Variants in C2 observed in about 807,000 individuals in gnomAD.
C2 encodes the protein complement C2.
A neutral mutation model predicts 85.2 loss-of-function variants in C2; 64 were observed. That is an observed-to-expected ratio of 0.75 (90% CI 0.61 to 0.92). The LOEUF (loss-of-function observed/expected upper bound fraction) is 0.92. Ranked by LOEUF, C2 falls within the 40% of genes least tolerant of loss-of-function variation. The pLI, the probability that C2 is intolerant of heterozygous loss-of-function variation, is 0.00. For synonymous variants in C2, 311 were observed against 370.8 expected (o/e 0.84, Z 1.85); for missense variants, 820 against 971.6 (o/e 0.84, Z 2.07).
intron 9 of C2, chr6:31,941,135 T>C (rs1163408217): frequency 6.6e-6 from 1 of 152,254 alleles, no homozygotes; most frequent in African/African-American, 2.4e-5. Flanking sequence ...TTAGTTTCCA[T>C]GTTGTGTTCT....
upstream of C2, among the ~76,000 whole-genome samples, chr6:31,916,750 CTTTT>C (rs67751925): frequency 9.0e-5 from 10 of 110,920 alleles, no homozygotes; most frequent in Admixed American, 4.0e-4. Flanking sequence ...GTTCTCTGCC[CTTTT>C]TTTTTTTTTT....
Position 31,939,256 on chromosome 6 carries a change from C to T in C2, c.1155C>T (p.Pro385=), listed in dbSNP as rs369525640. The T allele has an allele frequency of 7.1e-5, 115 of 1,612,272 alleles. No individual in the cohort carries two copies. Among genetic ancestry groups the T allele is most frequent in the Non-Finnish European group, 9.2e-5 (109 of 1,179,632 alleles). The change falls in exon 9 of 18, where the codon CCC becomes CCT. Residue 385 remains proline (P), a synonymous_variant. Transcript: ENST00000299367. ...GAAAGTCCAATATGGGTGGCTCTCC[C>T]AAGACAGCTGTTGACCATATCAGAG... ...TDGKSNMGGS[P]KTAVDHIREI... is the part of the protein sequence containing the mutation.
In C2 at chr6:31,945,509, T is replaced by G; in HGVS notation, c.*152T>G. 1.3e-6 allele frequency: 1 copy of G among 758,218 alleles called. No individual in the cohort carries two copies. Among genetic ancestry groups the G allele is most frequent in the Non-Finnish European group, 2.2e-6 (1 of 445,428 alleles). The allele number at this position is 758,218 out of a possible 1,614,324, so 47.0% of individuals were successfully genotyped here. A position where few individuals can be genotyped will look rare whatever the true frequency, so the allele number is the denominator to read the frequency against. On this transcript the variant is annotated 3_prime_UTR_variant, in exon 18 of 18. Transcript: ENST00000299367. The surrounding 1 kb of genome is among the most constrained non-coding windows in gnomAD (Gnocchi z 5.3). ...GATGCCAGAGGCAGCGCACACAAGC[T>G]GGGAAATCCTCAGGGCTCCTACCAG...
rs770667440 is a variant in C2, at chr6:31,943,637, T to C, written c.1568-7T>C. On this transcript the variant is annotated splice_region_variant and splice_polypyrimidine_tract_variant and intron_variant, in intron 12 of 17. Coordinates refer to ENST00000299367, the MANE Select transcript of C2 (RefSeq NM_000063.6). The surrounding 1 kb of genome is among the most constrained non-coding windows in gnomAD (Gnocchi z 6.4). ...TGGTCTAGCCTAATCTAGTGTATCATTTCCAGGAGACCCCAAATCCCAGTG... is the reference window on the plus strand; with the variant it reads ...TGGTCTAGCCTAATCTAGTGTATCACTTCCAGGAGACCCCAAATCCCAGTG... The C allele has an allele frequency of 9.9e-6, 16 of 1,613,014 alleles. No homozygotes were observed. Among genetic ancestry groups the C allele is most frequent in the South Asian group, 2.2e-5 (2 of 91,084 alleles).
At position 31,945,127 on chromosome 6, in the gene C2, T is replaced by TG; in HGVS notation, c.2080-51_2080-50insG. 3.7e-6 allele frequency: 6 copies of TG among 1,610,658 alleles called. No homozygotes were observed. The highest frequency in any genetic ancestry group is 5.1e-6 in the Non-Finnish European group (6 of 1,177,968). On this transcript the variant is annotated intron_variant, in intron 17 of 17. Transcript: ENST00000299367. The surrounding 1 kb of genome is among the most constrained non-coding windows in gnomAD (Gnocchi z 5.3). The stretch of plus-strand genomic sequence containing the variant: ...TTGAGGGATCTAGGGAGGTTGGGGC[T>TG]TACAGTTGGGGCTGTGGCAGCCTCC...
chr6:31,927,459 T>G (rs1769342249), upstream of C2: 1 of 1,400,320 alleles, frequency 7.1e-7, no homozygotes, highest in African/African-American at 1.4e-5. The surrounding 1 kb of genome is among the most constrained non-coding windows in gnomAD (Gnocchi z 4.7). Context: ...GGTGCACATG[T>G]GCACGCATGG....
rs1257552764 is a variant in C2 at position 31,928,065 on chromosome 6, C to T, written c.157C>T (p.Gln53Ter). 1.2e-6 allele frequency: 2 copies of T among 1,614,172 alleles called. No individual in the cohort carries two copies. Among genetic ancestry groups the T allele is most frequent in the South Asian group, 1.1e-5 (1 of 91,074 alleles). The change falls in exon 2 of 18, where the codon CAG becomes TAG. Residue 53 changes from glutamine (Q) to a stop codon, truncating the protein, a stop_gained. Transcript: ENST00000299367. LOFTEE classifies it high-confidence loss of function. ...PGSLLTYSCP[Q>*]GLYPSPASRL... Reference sequence around the variant, plus strand: ...GAGCCTTCTCACCTACTCCTGCCCCCAGGGCCTGTACCCATCCCCAGCATC... The same window carrying T: ...GAGCCTTCTCACCTACTCCTGCCCCTAGGGCCTGTACCCATCCCCAGCATC...
exon 1 of C2, chr6:31,901,071 G>A (rs773982900): frequency 1.2e-6 from 2 of 1,614,174 alleles, no homozygotes; most frequent in African/African-American, 1.3e-5. Flanking sequence ...GCCACGATGC[G>A]TGCACTGTGC....
upstream of C2, chr6:31,899,635 C>T (rs1767039157): frequency 2.5e-6 from 1 of 401,894 alleles, no homozygotes; most frequent in Non-Finnish European, 4.4e-6. Flanking sequence ...CTATAGGACC[C>T]TTTTCCCTCC....
chr6:31,931,945 A>C (rs1582079185), intron 3 of C2, among the ~76,000 whole-genome samples: 2 of 72,064 alleles, frequency 2.8e-5, no homozygotes, highest in Admixed American at 1.8e-4. Context: ...CGGGGGGCTG[A>C]TCCCCCCACC....
At chr6:31,926,833 T>C (rs573198609), upstream of C2, among the ~76,000 whole-genome samples, 2 of 152,304 alleles carry the variant, frequency 1.3e-5, no homozygotes, top group Admixed American at 6.5e-5. Context: ...ATTGGTCTTA[T>C]TTATTTTTAC....
chr6:31,943,552 C>T lies in C2; in HGVS notation c.1567+25C>T. On this transcript the variant is annotated intron_variant, in intron 12 of 17. Coordinates refer to ENST00000299367, the MANE Select transcript of C2 (RefSeq NM_000063.6). The surrounding 1 kb of genome is among the most constrained non-coding windows in gnomAD (Gnocchi z 6.4). ...GGTAAGGCAGGGGATGCACCAGCCT[C>T]CTGATCCTGAAGCCACAGATCCTAC... 3 of 1,602,978 alleles carry T rather than the reference C, an allele frequency of 1.9e-6. No individual in the cohort carries two copies. The highest frequency in any genetic ancestry group is 2.6e-6 in the Non-Finnish European group (3 of 1,172,400).
At chr6:31,913,084 C>T (rs1377795053) in intron 1 of C2, among the ~76,000 whole-genome samples, 1 of 151,488 alleles carries the variant, frequency 6.6e-6, no homozygotes, top group Non-Finnish European at 1.5e-5. Context: ...CTATGGTGCC[C>T]TTGGGCACTG....
At chr6:31,931,837 C>T (rs1161319996) in intron 3 of C2, among the ~76,000 whole-genome samples, 3 of 151,796 alleles carry the variant, frequency 2.0e-5, no homozygotes, top group Non-Finnish European at 2.9e-5. Flanking sequence ...CCAGTAGGCG[C>T]GGCCGGGCAG....
chr6:31,907,841 C>CTTTTTTTTTT (rs9281622), intron 1 of C2, among the ~76,000 whole-genome samples: 2 of 67,976 alleles, frequency 2.9e-5, no homozygotes, highest in African/African-American at 6.4e-5. Context: ...CCACTTCTGG[C>CTTTTTTTTTT]TTTTTTTTTT....
chr6:31,898,902 T>C (rs988278499), upstream of C2, among the ~76,000 whole-genome samples: 2 of 152,032 alleles, frequency 1.3e-5, no homozygotes, highest in East Asian at 1.9e-4. Flanking sequence ...GGGGAGTCCC[T>C]GACCAGAGGA....
chr6:31,898,548 A>G (rs926506356), upstream of C2, among the ~76,000 whole-genome samples: 2 of 152,116 alleles, frequency 1.3e-5, no homozygotes, highest in Admixed American at 1.3e-4. Context: ...CCTGAGGCCA[A>G]TTAAAGGCCT....
At chr6:31,899,904 C>G, upstream of C2, 3 of 1,550,904 alleles carry the variant, frequency 1.9e-6, no homozygotes, top group Non-Finnish European at 2.6e-6. Flanking sequence ...GCCCCAGCCT[C>G]CTGGCCTCCA....
In C2 at chr6:31,944,533, C is replaced by G. The variant is rs956973309; in HGVS notation, c.1903-194C>G. 2.6e-5 allele frequency among the ~76,000 whole-genome samples: 4 copies of G among 152,198 alleles called. No homozygotes were observed. Among genetic ancestry groups the G allele is most frequent in the South Asian group, 4.1e-4 (2 of 4,826 alleles). On this transcript the variant is annotated intron_variant, in intron 15 of 17. Coordinates refer to ENST00000299367, the MANE Select transcript of C2 (RefSeq NM_000063.6). This position sits in a 1 kb window ranked among gnomAD's most constrained non-coding sequence, Gnocchi z 5.1. Reference sequence around the variant, plus strand: ...AGTAGCTGAGATTACAGGTGCCCACCACCACACCAGCTAATTTTTGTATTT... The same window carrying G: ...AGTAGCTGAGATTACAGGTGCCCACGACCACACCAGCTAATTTTTGTATTT...
Sources: gnomAD v4.1 joint callset for allele counts (sites outside exome capture counted in the v4.1 genomes callset) on GRCh38, gnomAD v4.1.1 for gene constraint, Gnocchi (gnomAD v3.1) non-coding constraint, MANE v1.5 for transcripts, NCBI Gene and HGNC (gene_info 2026-07-23, HGNC 2026-07-21) for gene names.